Variants in ATP2C2 observed in about 807,000 individuals in gnomAD.
ATP2C2 encodes the protein calcium-transporting ATPase type 2C member 2.
ATP2C2 carries 171 observed loss-of-function variants against 110.8 expected under a neutral mutation model. The observed-to-expected ratio is 1.54, with a 90% CI of 1.36 to 1.75. The LOEUF (loss-of-function observed/expected upper bound fraction) is 1.75, where lower values mean the gene tolerates loss of function less well. Ranked by LOEUF, ATP2C2 falls within the 40% of genes most tolerant of loss-of-function variation. ATP2C2 has a pLI of 0.00. For synonymous variants in ATP2C2, 804 were observed against 508.4 expected, an observed-to-expected ratio of 1.58 and a Z score of -7.82; for missense variants, 1,963 against 1,235.0, an observed-to-expected ratio of 1.59 and a Z score of -8.84.
chr16:84,379,897 A>G (rs1910476555), intron 1 of ATP2C2, among the ~76,000 whole-genome samples: 1 of 152,168 alleles, frequency 6.6e-6, no homozygotes, highest in Non-Finnish European at 1.5e-5. Context: ...GAAAGAAGGT[A>G]GGTATGGCCT....
intron 16 of ATP2C2, among the ~76,000 whole-genome samples, chr16:84,447,891 C>T (rs1406665109): frequency 4.3e-5 from 4 of 92,798 alleles, no homozygotes; most frequent in Non-Finnish European, 9.4e-5. Flanking sequence ...ATATTAATAA[C>T]ATATATAATT....
rs565614769 is a variant in ATP2C2, at chr16:84,395,377, G to A, written c.100-3122G>A. 1.5e-3 allele frequency among the ~76,000 whole-genome samples: 232 copies of A among 152,016 alleles called. 2 individuals carry two copies. The highest frequency in any genetic ancestry group is 5.1e-3 in the African/African-American group (211 of 41,398). On this transcript the variant is annotated intron_variant, in intron 1 of 26. Transcript: ENST00000262429. ...GGGACATGTGGGTGGACAGCCCTGGGCCTTCAGATGTCCAGAGCACGTGAC... is the reference window on the plus strand; with the variant it reads ...GGGACATGTGGGTGGACAGCCCTGGACCTTCAGATGTCCAGAGCACGTGAC...
chr16:84,459,792 C>G (rs1242823639), intron 23 of ATP2C2: 11 of 541,444 alleles, frequency 2.0e-5, no homozygotes, highest in Non-Finnish European at 3.0e-5. Flanking sequence ...CCTTATGGAT[C>G]TGATTGTGAT....
chr16:84,452,100 G>T lies in ATP2C2; in HGVS notation c.1831+9G>T, dbSNP rs202115904. The T allele has an allele frequency of 5.6e-6, 9 of 1,613,976 alleles. No homozygotes were observed. The South Asian group carries it at 9.9e-5, about 18-fold the overall frequency. The stretch of plus-strand genomic sequence containing the variant: ...GACGGCCTTGGCCATAGGTAACTGG[G>T]ACAGGGTCGGGGGTGAGGACGAAAG... On this transcript the variant is annotated intron_variant, in intron 18 of 26. Coordinates refer to ENST00000262429, the MANE Select transcript of ATP2C2 (RefSeq NM_014861.4).
chr16:84,391,710 A>G (rs1904674296), intron 1 of ATP2C2, among the ~76,000 whole-genome samples: 1 of 152,234 alleles, frequency 6.6e-6, no homozygotes. Context: ...CCCTGCCAGC[A>G]TCTTGGTTTC....
At chr16:84,463,586 G>A (rs1158429759) in intron 26 of ATP2C2, 28 bp from the exon 27 acceptor site, 2 of 1,590,018 alleles carry the variant, frequency 1.3e-6, no homozygotes, top group Non-Finnish European at 1.7e-6. Context: ...AGCCCGTCCT[G>A]AATCTTTTCT....
chr16:84,463,278 G>C (rs923959454), intron 26 of ATP2C2, among the ~76,000 whole-genome samples: 3 of 152,072 alleles, frequency 2.0e-5, no homozygotes, highest in African/African-American at 7.2e-5. Flanking sequence ...GGTCACTCAG[G>C]ACATTTGCAA....
rs766474793 is a variant in ATP2C2, at chr16:84,410,665, C to A, written c.454-39C>A. On this transcript the variant is annotated intron_variant, in intron 5 of 26. Transcript: ENST00000262429. Reference sequence around the variant, plus strand: ...GGCGGGACAGGAGCTTCATGGAGTCCCCACCTTTAAACAGCACATCTGATG... The same window carrying A: ...GGCGGGACAGGAGCTTCATGGAGTCACCACCTTTAAACAGCACATCTGATG... 2.5e-6 allele frequency: 4 copies of A among 1,613,684 alleles called. No homozygotes were observed. In the African/African-American group the frequency reaches 5.3e-5, roughly 22 times the overall value.
chr16:84,408,518 C>A, intron 4 of ATP2C2, 24 bp downstream of exon 4: 1 of 1,596,720 alleles, frequency 6.3e-7, no homozygotes, highest in Non-Finnish European at 8.6e-7. Context: ...CAGCGCTCGG[C>A]TCCCGGGCGG....
intron 1 of ATP2C2, among the ~76,000 whole-genome samples, chr16:84,386,331 G>C (rs900695789): frequency 6.6e-6 from 1 of 152,096 alleles, no homozygotes; most frequent in Non-Finnish European, 1.5e-5. Flanking sequence ...ATATATTCCA[G>C]TCCAATAAAT....
chr16:84,461,632 G>T, intron 24 of ATP2C2, 82 bp from the exon 25 acceptor site: 3 of 1,280,316 alleles, frequency 2.3e-6, no homozygotes, highest in Non-Finnish European at 3.4e-6. Context: ...CCCAGGAGCA[G>T]TGAGGCAGGC....
chr16:84,449,191 C>T (rs1276502465), intron 17 of ATP2C2, among the ~76,000 whole-genome samples: 1 of 152,238 alleles, frequency 6.6e-6, no homozygotes, highest in Non-Finnish European at 1.5e-5. Flanking sequence ...TGCTCCTGAG[C>T]ACTGGTATTC....
intron 1 of ATP2C2, 132 bp from the exon 2 acceptor site, chr16:84,398,367 C>T (rs12148971): frequency 0.72 from 312,461 of 432,100 alleles, 114,234 homozygotes; most frequent in South Asian, 0.8. Flanking sequence ...GATCATGACA[C>T]TGCACTCCAG....
intron 11 of ATP2C2, among the ~76,000 whole-genome samples, chr16:84,428,583 G>A (rs192798066): frequency 1.3e-5 from 2 of 152,302 alleles, no homozygotes; most frequent in Non-Finnish European, 2.9e-5. Flanking sequence ...GGAATATTAT[G>A]TGATGATGTG....
chr16:84,388,100 G>T (rs938934794), intron 1 of ATP2C2, among the ~76,000 whole-genome samples: 8 of 152,118 alleles, frequency 5.3e-5, no homozygotes. Context: ...GGGAGGCCGA[G>T]GTGGGTAGAT....
At chr16:84,438,308 A>G (rs1296605295) in intron 11 of ATP2C2, among the ~76,000 whole-genome samples, 1 of 152,194 alleles carries the variant, frequency 6.6e-6, no homozygotes, top group Non-Finnish European at 1.5e-5. Context: ...ACCCCTGGCT[A>G]TGTCAAACTG....
chr16:84,460,566 G>A (rs1435431061), intron 23 of ATP2C2, 88 bp from the exon 24 acceptor site: 1 of 1,580,600 alleles, frequency 6.3e-7, no homozygotes, highest in African/African-American at 1.3e-5. Flanking sequence ...GTGCCAACTT[G>A]GCCTGGGAGG....
chr16:84,462,493 C>A, intron 26 of ATP2C2: 1 of 197,868 alleles, frequency 5.1e-6, no homozygotes, highest in Non-Finnish European at 1.0e-5. Context: ...GGACTTGACC[C>A]TGGGGCCAGT....
chr16:84,390,630 CG>C (rs1027714680), intron 1 of ATP2C2, among the ~76,000 whole-genome samples: 7 of 152,042 alleles, frequency 4.6e-5, no homozygotes, highest in Non-Finnish European at 8.8e-5. Context: ...CTGGAAAGGG[CG>C]TGGGGAGTGC....
Sources: allele counts gnomAD v4.1 joint callset (sites outside exome capture counted in the v4.1 genomes callset), GRCh38; gene constraint gnomAD v4.1.1; transcripts MANE v1.5; gene names NCBI Gene and HGNC (gene_info 2026-07-23, HGNC 2026-07-21).